Variants in TTC13 observed in about 807,000 individuals in gnomAD.
TTC13 encodes the protein tetratricopeptide repeat protein 13.
TTC13 carries 62 observed loss-of-function variants against 120.0 expected under a neutral mutation model. The observed-to-expected ratio is 0.52, with a 90% CI of 0.42 to 0.64. The LOEUF (loss-of-function observed/expected upper bound fraction) is 0.64, where lower values mean the gene tolerates loss of function less well. Among genes scored for constraint, TTC13 ranks in the 30% least tolerant of loss-of-function variants. TTC13 has a pLI of 0.00. For synonymous variants in TTC13, 384 were observed against 393.5 expected (o/e 0.98, Z 0.28); for missense variants, 824 against 1,050.2 (o/e 0.78, Z 2.98).
rs534747760 is a variant in TTC13 at position 230,948,192 on chromosome 1, T to A, written c.514-2738A>T. 1.3e-3 allele frequency among the ~76,000 whole-genome samples: 192 copies of A among 152,284 alleles called. 2 individuals carry two copies. The highest frequency in any genetic ancestry group is 2.3e-3 in the Non-Finnish European group (154 of 68,028). ...AACTCCAAATCACTGAAATACATTTTACATTACAATCCAGTACACACATAC... is the reference window on the plus strand; with the variant it reads ...AACTCCAAATCACTGAAATACATTTAACATTACAATCCAGTACACACATAC... On this transcript the variant is annotated intron_variant, in intron 4 of 22. Transcript: ENST00000366661.
Position 230,944,013 on chromosome 1 carries a change from T to C in TTC13, c.580-115A>G. ...ATGTAACCAATTGTTTAAAAATAAA[T>C]ATGAACTTCACTTCTATGTAAGAGA... On this transcript the variant is annotated intron_variant, in intron 5 of 22. Coordinates refer to ENST00000366661, the MANE Select transcript of TTC13 (RefSeq NM_024525.5). The surrounding 1 kb of genome is among the most constrained non-coding windows in gnomAD (Gnocchi z 4.0). The C allele has an allele frequency of 1.9e-6, 1 of 530,286 alleles. No homozygotes were observed. Among genetic ancestry groups the C allele is most frequent in the East Asian group, 3.3e-5 (1 of 30,768 alleles). 32.8% of individuals were successfully genotyped at this position (530,286 alleles called of 1,614,324 possible).
At position 230,916,321 on chromosome 1, in the gene TTC13, A is replaced by G. The variant is rs768478076; in HGVS notation, c.1984-19T>C. 6.4e-7 allele frequency: 1 copy of G among 1,563,762 alleles called. No homozygotes were observed. The highest frequency in any genetic ancestry group is 8.8e-7 in the Non-Finnish European group (1 of 1,134,186). On this transcript the variant is annotated intron_variant, in intron 17 of 22. Transcript: ENST00000366661. ...TAAACTGCTTTCAGGGAAAAAGAAA[A>G]TTCACGTTACTAGTGTTTCATTCAC... is the stretch of plus-strand genomic sequence containing the variant.
At chr1:230,949,861 G>A (rs1675399703) in intron 4 of TTC13, among the ~76,000 whole-genome samples, 3 of 152,112 alleles carry the variant, frequency 2.0e-5, no homozygotes, top group Non-Finnish European at 4.4e-5. Context: ...ATGTTAGCCA[G>A]GATAGTCTCA....
chr1:230,969,039 C>T (rs1425346367), intron 1 of TTC13, among the ~76,000 whole-genome samples: 1 of 152,124 alleles, frequency 6.6e-6, no homozygotes, highest in Non-Finnish European at 1.5e-5. Context: ...CTTTGGGAGG[C>T]TGAGGTGGGC....
intron 10 of TTC13, 123 bp downstream of exon 10, chr1:230,931,613 C>T: frequency 6.8e-7 from 1 of 1,471,074 alleles, no homozygotes; most frequent in Admixed American, 2.0e-5. Context: ...ATGATTTCTT[C>T]TCTTTCTTTT....
intron 17 of TTC13, among the ~76,000 whole-genome samples, chr1:230,918,745 C>T (rs1168463926): frequency 6.6e-6 from 1 of 152,210 alleles, no homozygotes; most frequent in African/African-American, 2.4e-5. Context: ...TCCACACCCA[C>T]CCAGGCAGAT....
intron 12 of TTC13, 28 bp from the exon 13 acceptor site, chr1:230,925,675 G>A: frequency 6.2e-7 from 1 of 1,611,988 alleles, no homozygotes; most frequent in Non-Finnish European, 8.5e-7. Flanking sequence ...TACATGATAA[G>A]GACTTTTACA....
chr1:230,921,144 A>T (rs1672538607), intron 16 of TTC13, among the ~76,000 whole-genome samples: 1 of 152,224 alleles, frequency 6.6e-6, no homozygotes, highest in Non-Finnish European at 1.5e-5. Flanking sequence ...AAATCCCTAA[A>T]AGATAAATCC....
At position 230,959,969 on chromosome 1, in the gene TTC13, T is replaced by A. The variant is rs2102961411; in HGVS notation, c.366+1240A>T. 1.3e-5 allele frequency among the ~76,000 whole-genome samples: 2 copies of A among 152,352 alleles called. 1 individual carries two copies. Among genetic ancestry groups the A allele is most frequent in the South Asian group, 4.1e-4 (2 of 4,832 alleles). The stretch of plus-strand genomic sequence containing the variant: ...ACTTTTATGTTTATTTGCATAATGA[T>A]TTGGTTGATGAGTATAAAAGTCATG... On this transcript the variant is annotated intron_variant, in intron 2 of 22. Coordinates refer to ENST00000366661, the MANE Select transcript of TTC13 (RefSeq NM_024525.5).
rs918726376 is a variant in TTC13 at position 230,966,169 on chromosome 1, T to C, written c.272-4866A>G. ...TTTGGTTTTTATTATTTTAAATTGATACAGAATAATTGTACATATGGGGTA... is the reference window on the plus strand; with the variant it reads ...TTTGGTTTTTATTATTTTAAATTGACACAGAATAATTGTACATATGGGGTA... On this transcript the variant is annotated intron_variant, in intron 1 of 22. Transcript: ENST00000366661. Among the ~76,000 whole-genome samples the C allele has an allele frequency of 5.6e-4, 85 of 152,350 alleles. 2 individuals are homozygous for C. Among genetic ancestry groups the C allele is most frequent in the African/African-American group, 1.9e-3 (81 of 41,596 alleles).
chr1:230,952,263 C>T (rs1163918130), intron 4 of TTC13, among the ~76,000 whole-genome samples: 1 of 152,000 alleles, frequency 6.6e-6, no homozygotes, highest in Non-Finnish European at 1.5e-5. Context: ...TACCCATGTG[C>T]CATGCAGATA....
intron 17 of TTC13, 23 bp downstream of exon 17, chr1:230,920,487 T>G (rs773151034): frequency 4.5e-6 from 7 of 1,548,944 alleles, no homozygotes; most frequent in African/African-American, 1.4e-5. Flanking sequence ...AAACATGGAC[T>G]GCCATTCTGA....
chr1:230,933,525 G>T (rs1673756901), intron 9 of TTC13, among the ~76,000 whole-genome samples: 1 of 152,118 alleles, frequency 6.6e-6, no homozygotes, highest in Non-Finnish European at 1.5e-5. Context: ...AACAACCCTT[G>T]AAGGATGAAC....
At chr1:230,935,217 T>C (rs1403069248) in intron 8 of TTC13, among the ~76,000 whole-genome samples, 3 of 152,170 alleles carry the variant, frequency 2.0e-5, no homozygotes, top group Admixed American at 1.3e-4. Context: ...AGTAAACATA[T>C]ATTGAGCGCC....
intron 8 of TTC13, among the ~76,000 whole-genome samples, chr1:230,937,501 C>T (rs536901059): frequency 9.2e-5 from 14 of 152,274 alleles, no homozygotes; most frequent in African/African-American, 3.1e-4. Context: ...ATAAACTGGA[C>T]AAGTCTATCT....
At chr1:230,963,585 T>C (rs925535761) in intron 1 of TTC13, among the ~76,000 whole-genome samples, 1 of 151,712 alleles carries the variant, frequency 6.6e-6, no homozygotes, top group East Asian at 1.9e-4. Flanking sequence ...CAGTGAACCA[T>C]GATCATACCA....
chr1:230,929,064 C>T lies in TTC13; in HGVS notation c.1330G>A (p.Asp444Asn). The T allele has an allele frequency of 6.2e-7, 1 of 1,614,048 alleles. No homozygotes were observed. The highest frequency in any genetic ancestry group is 1.1e-5 in the South Asian group (1 of 91,066). The change falls in exon 12 of 23, where the codon GAT (aspartate) becomes AAT (asparagine). Residue 444 changes from aspartate to asparagine, a missense_variant. This residue lies in a region of TTC13 where 430 missense variants were observed against 626.8 expected (regional missense o/e 0.69). Transcript: ENST00000366661. ...ATGTTATATTCCGTAAGGGGGGTAT[C>T]AAGGTGTGCATGAAGATATCGAGAA... ...EYSRYLHAHLDTPLTEYNIDV... is the reference protein window; with the variant it reads ...EYSRYLHAHLNTPLTEYNIDV...
intron 4 of TTC13, among the ~76,000 whole-genome samples, chr1:230,950,369 A>T (rs1675453175): frequency 6.6e-6 from 1 of 152,164 alleles, no homozygotes; most frequent in Non-Finnish European, 1.5e-5. Context: ...ATGCAACTGC[A>T]AAATCATGGT....
At chr1:230,964,676 T>C (rs1248526488) in intron 1 of TTC13, among the ~76,000 whole-genome samples, 2 of 152,238 alleles carry the variant, frequency 1.3e-5, no homozygotes, top group East Asian at 1.9e-4. Flanking sequence ...TAATACATTA[T>C]AGACATTAGG....
Sources: allele counts gnomAD v4.1 joint callset (sites outside exome capture counted in the v4.1 genomes callset), GRCh38; gene constraint gnomAD v4.1.1; regional missense constraint gnomAD v4.1.1; non-coding constraint Gnocchi (gnomAD v3.1); transcripts MANE v1.5; gene names NCBI Gene and HGNC (gene_info 2026-07-23, HGNC 2026-07-21).